The following NRAS variants were observed in gnomAD, a reference collection of about 807,000 sequenced individuals.
NRAS encodes the protein NRAS proto-oncogene, GTPase, also known as GTPase NRas.
NRAS carries 6 observed loss-of-function variants against 21.3 expected under a neutral mutation model. The observed-to-expected ratio is 0.28, with a 90% CI of 0.15 to 0.56. NRAS has a LOEUF of 0.56. NRAS is among the 20% of genes least tolerant of loss of function. The pLI is 0.93. For synonymous variants in NRAS, 84 were observed against 82.0 expected (o/e 1.02, Z -0.13); for missense variants, 143 against 231.3 (o/e 0.62, Z 2.48).
intron 4 of NRAS, 136 bp downstream of exon 4, chr1:114,709,433 T>TA (rs34760442): frequency 5.5e-4 from 397 of 722,334 alleles, no homozygotes; most frequent in Middle Eastern, 1.5e-3. Context: ...AGACTCTGCC[T>TA]AAAAAAAAAT....
intron 2 of NRAS, 81 bp downstream of exon 2, chr1:114,715,969 T>C: frequency 1.1e-6 from 1 of 896,008 alleles, no homozygotes; most frequent in Non-Finnish European, 1.9e-6. Flanking sequence ...CTCCTCTTAT[T>C]CCTTTAATAC....
intron 3 of NRAS, 22 bp downstream of exon 3, chr1:114,713,778 G>A (rs2101741676): frequency 6.3e-7 from 1 of 1,592,622 alleles, no homozygotes; most frequent in Non-Finnish European, 8.6e-7. Flanking sequence ...CATCCTTTCA[G>A]AGAAAATAAT....
chr1:114,714,778 A>G (rs1659117899), intron 2 of NRAS, among the ~76,000 whole-genome samples: 1 of 152,216 alleles, frequency 6.6e-6, no homozygotes, highest in South Asian at 2.1e-4. Context: ...AAATTGCTCA[A>G]TAAATCAAAC....
rs2101742229 is a variant in NRAS at position 114,713,989 on chromosome 1, G to A, written c.112-11C>T. 4 of 1,554,016 alleles carry A rather than the reference G, an allele frequency of 2.6e-6. No individual in the cohort carries two copies. The highest frequency in any genetic ancestry group is 3.5e-6 in the Non-Finnish European group (4 of 1,131,260). Reference sequence around the variant, plus strand: ...TTTTCTGTAAGAATCCTGGGGGTGTGGAGGGTAAGGGGGCAGGGAGGGAGG... The same window carrying A: ...TTTTCTGTAAGAATCCTGGGGGTGTAGAGGGTAAGGGGGCAGGGAGGGAGG... On this transcript the variant is annotated splice_polypyrimidine_tract_variant and intron_variant, in intron 2 of 6. Transcript: ENST00000369535.
chr1:114,708,443 AC>A, intron 5 of NRAS, 87 bp downstream of exon 5: 2 of 1,268,792 alleles, frequency 1.6e-6, no homozygotes, highest in Non-Finnish European at 2.3e-6. Flanking sequence ...AACTCAAAAA[AC>A]ATATAGACAA....
rs2101741728 is a variant in NRAS at position 114,713,799 on chromosome 1, C to T, written c.290+1G>A. On this transcript the variant is annotated splice_donor_variant, in intron 3 of 6. Coordinates refer to ENST00000369535, the MANE Select transcript of NRAS (RefSeq NM_002524.5). LOFTEE classifies it high-confidence loss of function. ...TTCAGAGAAAATAATGCTCCTAGTA[C>T]CTGTAGAGGTTAATATCCGCAAATG... is the stretch of plus-strand genomic sequence containing the variant. 1 of 1,611,374 alleles carries T rather than the reference C, an allele frequency of 6.2e-7. No homozygotes were observed. Among genetic ancestry groups the T allele is most frequent in the Non-Finnish European group, 8.5e-7 (1 of 1,177,490 alleles).
rs1389242672 is a variant in NRAS, at chr1:114,705,765, A to C, written c.*2329T>G. 2 of 152,272 alleles carry C rather than the reference A, an allele frequency of 1.3e-5. No homozygotes were observed. The highest frequency in any genetic ancestry group is 2.9e-5 in the Non-Finnish European group (2 of 68,100). The allele number at this position is 152,272 out of a possible 1,614,324, so 9.4% of individuals were successfully genotyped here. A position where few individuals can be genotyped will look rare whatever the true frequency, so the allele number is the denominator to read the frequency against. On this transcript the variant is annotated 3_prime_UTR_variant, in exon 7 of 7. Transcript: ENST00000369535. The stretch of plus-strand genomic sequence containing the variant: ...CTCTCAAGTAGCTGGGACTACAGGC[A>C]CGGGCCACCATGCCCGGCTAATTGT...
At chr1:114,716,277 C>T (rs1281979078) in intron 1 of NRAS, 100 bp from the exon 2 acceptor site, 19 of 793,364 alleles carry the variant, frequency 2.4e-5, no homozygotes, top group Non-Finnish European at 4.1e-5. Flanking sequence ...TGTGACCTTC[C>T]ATTTGGTTCT....
Position 114,704,942 on chromosome 1 carries a change from G to C in NRAS, c.*3152C>G, listed in dbSNP as rs771651265. The C allele has an allele frequency of 1.3e-5, 2 of 152,192 alleles. No individual in the cohort carries two copies. Among genetic ancestry groups the C allele is most frequent in the Non-Finnish European group, 2.9e-5 (2 of 68,036 alleles). The allele number at this position is 152,192 out of a possible 1,614,324, so 9.4% of individuals were successfully genotyped here. A position where few individuals can be genotyped will look rare whatever the true frequency, so the allele number is the denominator to read the frequency against. On this transcript the variant is annotated 3_prime_UTR_variant, in exon 7 of 7. Coordinates refer to ENST00000369535, the MANE Select transcript of NRAS (RefSeq NM_002524.5). Reference sequence around the variant, plus strand: ...TAATGTACAAGAATTATAGTCCCTTGTTTATAGAAACCATCCAAATAAAAT... The same window carrying C: ...TAATGTACAAGAATTATAGTCCCTTCTTTATAGAAACCATCCAAATAAAAT...
At chr1:114,709,760 G>A (rs1302229942) in intron 3 of NRAS, 32 bp from the exon 4 acceptor site, 8 of 1,586,488 alleles carry the variant, frequency 5.0e-6, no homozygotes, top group Non-Finnish European at 6.9e-6. Context: ...CAGAACATAA[G>A]AAAAACAAGA....
At chr1:114,715,997 G>T in intron 2 of NRAS, 53 bp downstream of exon 2, 1 of 1,080,952 alleles carries the variant, frequency 9.3e-7, no homozygotes, top group South Asian at 1.2e-5. Context: ...GGGTAAAGAT[G>T]ATCCGACAAG....
At chr1:114,714,802 T>C (rs1659118453) in intron 2 of NRAS, among the ~76,000 whole-genome samples, 1 of 152,152 alleles carries the variant, frequency 6.6e-6, no homozygotes. Context: ...TAAAAATATT[T>C]AATTAAAATA....
intron 2 of NRAS, among the ~76,000 whole-genome samples, chr1:114,714,817 A>G (rs1659118661): frequency 6.6e-6 from 1 of 152,240 alleles, no homozygotes. Flanking sequence ...AAAATATTAA[A>G]CATTTCATGT....
chr1:114,710,322 AT>A (rs1659019042), intron 3 of NRAS, among the ~76,000 whole-genome samples: 2 of 142,360 alleles, frequency 1.4e-5, no homozygotes, highest in Non-Finnish European at 3.0e-5. Context: ...ATAAATATAT[AT>A]TTATATATAT....
In NRAS at chr1:114,705,570, T is replaced by A. The variant is rs943775197; in HGVS notation, c.*2524A>T. Reference sequence around the variant, plus strand: ...CACGTTTTATACCACACTGAAGTTATTCAGCTTTTAACTATAAGTTTGTCA... The same window carrying A: ...CACGTTTTATACCACACTGAAGTTAATCAGCTTTTAACTATAAGTTTGTCA... On this transcript the variant is annotated 3_prime_UTR_variant, in exon 7 of 7. Transcript: ENST00000369535. 2 of 152,234 alleles carry A rather than the reference T, an allele frequency of 1.3e-5. No homozygotes were observed. Among genetic ancestry groups the A allele is most frequent in the Admixed American group, 1.3e-4 (2 of 15,286 alleles). The allele number at this position is 152,234 out of a possible 1,614,324, so 9.4% of individuals were successfully genotyped here.
rs1044384220 is a variant in NRAS at position 114,709,875 on chromosome 1, G to A, written c.291-147C>T. 31 of 689,698 alleles carry A rather than the reference G, an allele frequency of 4.5e-5. No homozygotes were observed. In the East Asian group the frequency reaches 7.3e-4, roughly 16 times the overall value. 42.7% of individuals were successfully genotyped at this position (689,698 alleles called of 1,614,324 possible). A position where few individuals can be genotyped will look rare whatever the true frequency, so the allele number is the denominator to read the frequency against. On this transcript the variant is annotated intron_variant, in intron 3 of 6. Transcript: ENST00000369535. Reference sequence around the variant, plus strand: ...GTTTGAGATTAGCCTGGGCAACATGGCAAAACCCGGTCTCTACAAAAAAAT... The same window carrying A: ...GTTTGAGATTAGCCTGGGCAACATGACAAAACCCGGTCTCTACAAAAAAAT...
At chr1:114,709,145 C>T (rs966633096) in intron 4 of NRAS, among the ~76,000 whole-genome samples, 6 of 152,110 alleles carry the variant, frequency 3.9e-5, no homozygotes, top group Non-Finnish European at 7.4e-5. Context: ...ACTAAAAATG[C>T]CTAACAACAG....
chr1:114,711,130 C>T (rs990218621), intron 3 of NRAS, among the ~76,000 whole-genome samples: 1 of 152,046 alleles, frequency 6.6e-6, no homozygotes, highest in African/African-American at 2.4e-5. Context: ...ATGGTGAAAC[C>T]TTGCTTCTAC....
chr1:114,704,536 C>T lies in NRAS; in HGVS notation c.*3558G>A, dbSNP rs191450509. 2.0e-5 allele frequency: 3 copies of T among 152,248 alleles called. No individual in the cohort carries two copies. The highest frequency in any genetic ancestry group is 2.0e-4 in the Admixed American group (3 of 15,290). The allele number at this position is 152,248 out of a possible 1,614,324, so 9.4% of individuals were successfully genotyped here. On this transcript the variant is annotated 3_prime_UTR_variant, in exon 7 of 7. Coordinates refer to ENST00000369535, the MANE Select transcript of NRAS (RefSeq NM_002524.5). ...TCATTTAACAAGAAAAAACATTCAA[C>T]CAAATTAAAAAGAACTAGGTTGGAT... is the stretch of plus-strand genomic sequence containing the variant.
Sources: allele counts gnomAD v4.1 joint callset (sites outside exome capture counted in the v4.1 genomes callset), GRCh38; gene constraint gnomAD v4.1.1; transcripts MANE v1.5; gene names NCBI Gene and HGNC (gene_info 2026-07-23, HGNC 2026-07-21).